Variants in GIGYF2 observed in about 807,000 individuals in gnomAD.
GIGYF2 encodes GRB10 interacting GYF protein 2, also known as GRB10-interacting GYF protein 2.
In GIGYF2, 25 loss-of-function variants were observed where a neutral mutation model predicts 208.1. That is an observed-to-expected ratio of 0.12 (90% CI 0.09 to 0.17). GIGYF2 has a LOEUF of 0.17. Ranked by LOEUF, GIGYF2 falls within the 10% of genes least tolerant of loss-of-function variation. GIGYF2 has a pLI of 1.00. For missense variants in GIGYF2, 1,302 were observed against 1,579.4 expected (o/e 0.82, Z 2.98); for synonymous variants, 534 against 543.8 (o/e 0.98, Z 0.25).
rs1483670374 is a variant in GIGYF2 at position 232,856,880 on chromosome 2, C to G, written c.*20C>G. ...TACTGAGCACCTGCCAGTGGACTGG[C>G]CATCCCTCTCCTGTCTGCCGACTAT... is the stretch of plus-strand genomic sequence containing the variant. On this transcript the variant is annotated 3_prime_UTR_variant, in exon 29 of 29. Coordinates refer to ENST00000373563, the MANE Select transcript of GIGYF2 (RefSeq NM_001103146.3). 1.3e-6 allele frequency: 2 copies of G among 1,551,316 alleles called. No homozygotes were observed. The highest frequency in any genetic ancestry group is 1.8e-6 in the Non-Finnish European group (2 of 1,122,670).
At chr2:232,822,979 A>G (rs759416521) in intron 21 of GIGYF2, among the ~76,000 whole-genome samples, 63 of 152,250 alleles carry the variant, frequency 4.1e-4, no homozygotes, top group South Asian at 6.2e-4. Flanking sequence ...ATATATTGAT[A>G]GTTTTTCATA....
rs368393149 is a variant in GIGYF2 at position 232,857,016 on chromosome 2, A to G, written c.*156A>G. 1 of 698,718 alleles carries G rather than the reference A, an allele frequency of 1.4e-6. No homozygotes were observed. 43.3% of individuals were successfully genotyped at this position (698,718 alleles called of 1,614,324 possible). On this transcript the variant is annotated 3_prime_UTR_variant, in exon 29 of 29. Transcript: ENST00000373563. ...TTTTTCTTCTGGCCCTTTGTGTCCA[A>G]GATTCTTTAATCCATTTTTGTTGGT... is the stretch of plus-strand genomic sequence containing the variant.
rs1690644725 is a variant in GIGYF2 at position 232,858,219 on chromosome 2, G to A, written c.*1359G>A. ...CTGTGCCTGTGCGAGAGGTGCTGTG[G>A]TCTGGGCAGCCCCTGGAAAAGCACC... On this transcript the variant is annotated 3_prime_UTR_variant, in exon 29 of 29. Transcript: ENST00000373563. 1 of 330,784 alleles carries A rather than the reference G, an allele frequency of 3.0e-6. No individual in the cohort carries two copies. Among genetic ancestry groups the A allele is most frequent in the African/African-American group, 2.2e-5 (1 of 45,714 alleles). 20.5% of individuals were successfully genotyped at this position (330,784 alleles called of 1,614,324 possible).
chr2:232,756,541 G>A (rs1431213377), intron 6 of GIGYF2, among the ~76,000 whole-genome samples: 1 of 152,110 alleles, frequency 6.6e-6, no homozygotes, highest in Non-Finnish European at 1.5e-5. Context: ...TATAATTCTA[G>A]CTGTACAGAT....
At chr2:232,826,613 A>G (rs951353531) in intron 21 of GIGYF2, among the ~76,000 whole-genome samples, 1 of 152,210 alleles carries the variant, frequency 6.6e-6, no homozygotes, top group African/African-American at 2.4e-5. Flanking sequence ...AGAATGGGAG[A>G]AAAAGCTTTG....
At chr2:232,811,551 A>G (rs1198843637) in intron 17 of GIGYF2, among the ~76,000 whole-genome samples, 200 bp downstream of exon 17, 2 of 152,214 alleles carry the variant, frequency 1.3e-5, no homozygotes, top group African/African-American at 4.8e-5. Flanking sequence ...TTACTCATAG[A>G]TATAAATTTT....
At chr2:232,701,526 C>T (rs1695844495) in intron 1 of GIGYF2, among the ~76,000 whole-genome samples, 1 of 151,404 alleles carries the variant, frequency 6.6e-6, no homozygotes, top group Admixed American at 6.6e-5. Context: ...ATCTCCCAGG[C>T]TCAAGCCATC....
chr2:232,830,520 T>G (rs547569809), intron 21 of GIGYF2, among the ~76,000 whole-genome samples: 2 of 152,296 alleles, frequency 1.3e-5, no homozygotes, highest in African/African-American at 4.8e-5. Context: ...CTTCCATATT[T>G]CCCCTTGCAC....
At chr2:232,789,890 CT>C (rs1035961020) in intron 9 of GIGYF2, among the ~76,000 whole-genome samples, 1 of 151,688 alleles carries the variant, frequency 6.6e-6, no homozygotes, top group Non-Finnish European at 1.5e-5. Context: ...GCAATCTTTT[CT>C]TCTGTTGGGA....
chr2:232,722,876 T>A (rs900486445), intron 2 of GIGYF2, among the ~76,000 whole-genome samples: 5 of 152,246 alleles, frequency 3.3e-5, no homozygotes, highest in Non-Finnish European at 7.3e-5. Flanking sequence ...CCTTATCATC[T>A]TCTCTGTCAT....
intron 8 of GIGYF2, among the ~76,000 whole-genome samples, chr2:232,775,959 T>A (rs1699494260): frequency 6.6e-6 from 1 of 152,224 alleles, no homozygotes; most frequent in South Asian, 2.1e-4. Context: ...AATTTCTCAG[T>A]TGCAGAAGTA....
At chr2:232,849,461 G>A (rs375557415) in intron 27 of GIGYF2, among the ~76,000 whole-genome samples, 7 of 152,238 alleles carry the variant, frequency 4.6e-5, no homozygotes, top group African/African-American at 1.7e-4. Context: ...ACCACGCCCG[G>A]CCCTAGGAAA....
At chr2:232,818,663 ACT>A (rs761310354) in intron 20 of GIGYF2, among the ~76,000 whole-genome samples, 4 of 151,516 alleles carry the variant, frequency 2.6e-5, no homozygotes, top group Non-Finnish European at 4.4e-5. Context: ...ACAGAGTCTC[ACT>A]CTGTCACCCA....
chr2:232,800,886 C>G (rs1227337040), intron 14 of GIGYF2, among the ~76,000 whole-genome samples: 1 of 150,104 alleles, frequency 6.7e-6, no homozygotes, highest in African/African-American at 2.4e-5. Flanking sequence ...CCCTGTCTCT[C>G]GCTTTTTTTG....
At chr2:232,812,596 T>C (rs1465415579) in intron 18 of GIGYF2, 105 bp downstream of exon 18, 1 of 671,670 alleles carries the variant, frequency 1.5e-6, no homozygotes, top group Non-Finnish European at 2.7e-6. Flanking sequence ...GAATCCATTT[T>C]GTATTTGATA....
intron 1 of GIGYF2, among the ~76,000 whole-genome samples, chr2:232,701,786 G>A (rs1226778542): frequency 5.3e-5 from 8 of 152,118 alleles, no homozygotes; most frequent in Admixed American, 2.6e-4. Context: ...AAGTAGCCAT[G>A]TTATAATGTC....
intron 23 of GIGYF2, among the ~76,000 whole-genome samples, chr2:232,842,199 T>A (rs1227085160): frequency 6.6e-6 from 1 of 152,024 alleles, no homozygotes; most frequent in Non-Finnish European, 1.5e-5. Context: ...CTATTGGGCT[T>A]CTCCTGTTAG....
At chr2:232,743,277 AACAG>A (rs1698036466) in intron 3 of GIGYF2, among the ~76,000 whole-genome samples, 1 of 152,218 alleles carries the variant, frequency 6.6e-6, no homozygotes, top group South Asian at 2.1e-4. Flanking sequence ...AGGAAAGATG[AACAG>A]TGCATAGCTA....
rs113005259 is a variant in GIGYF2 at position 232,703,106 on chromosome 2, C to G, written c.-109-318C>G. 8.5e-4 allele frequency among the ~76,000 whole-genome samples: 129 copies of G among 152,274 alleles called. 1 individual carries two copies. The highest frequency in any genetic ancestry group is 2.6e-3 in the African/African-American group (107 of 41,546). On this transcript the variant is annotated intron_variant, in intron 1 of 28. Transcript: ENST00000373563. ...TGGCAGTAGGTTTTAAAAGTTAATA[C>G]CAAGTCCCTATAATGGGGTTTTGAA...
Sources: gnomAD v4.1 joint callset for allele counts (sites outside exome capture counted in the v4.1 genomes callset) on GRCh38, gnomAD v4.1.1 for gene constraint, MANE v1.5 for transcripts, NCBI Gene and HGNC (gene_info 2026-07-23, HGNC 2026-07-21) for gene names.